Variants in C8orf34 observed in about 807,000 individuals in gnomAD.
C8orf34 encodes the protein chromosome 8 open reading frame 34.
In C8orf34, 65 loss-of-function variants were observed where a neutral mutation model predicts 68.3. The observed-to-expected ratio is 0.95, with a 90% confidence interval of 0.78 to 1.17. The LOEUF is 1.17. Among genes scored for constraint, C8orf34 ranks in the 50% most tolerant of loss-of-function variants. The probability of loss-of-function intolerance (pLI) is 0.00; values close to 1 mark genes in which losing one functional copy is unlikely to be tolerated. For synonymous variants in C8orf34, 244 were observed against 241.2 expected (o/e 1.01, Z -0.11); for missense variants, 664 against 655.4 (o/e 1.01, Z -0.14).
rs138017443 is a variant in C8orf34 at position 68,419,869 on chromosome 8, C to A, written c.328-19630C>A. Among the ~76,000 whole-genome samples, 690 of 148,386 alleles carry A rather than the reference C, an allele frequency of 4.7e-3. 25 individuals carry two copies. The East Asian group carries it at 0.086, about 19-fold the overall frequency. On this transcript the variant is annotated intron_variant, in intron 1 of 13. Transcript: ENST00000518698. The stretch of plus-strand genomic sequence containing the variant: ...GGGAGGGATGGCATTGGGAGATATA[C>A]CTAATGCGAGATGACGAGTTAGTGG...
intron 1 of C8orf34, among the ~76,000 whole-genome samples, chr8:68,397,695 G>T (rs1037719302): frequency 6.6e-6 from 1 of 151,992 alleles, no homozygotes; most frequent in Non-Finnish European, 1.5e-5. Flanking sequence ...ACATTTTTAC[G>T]TTTGAAACAA....
rs936044645 is a variant in C8orf34 at position 68,392,221 on chromosome 8, T to A, written c.328-47278T>A. 3.3e-5 allele frequency among the ~76,000 whole-genome samples: 5 copies of A among 152,094 alleles called. No homozygotes were observed. In the East Asian group the frequency reaches 7.7e-4, roughly 23 times the overall value. On this transcript the variant is annotated intron_variant, in intron 1 of 13. Coordinates refer to ENST00000518698, the MANE Select transcript of C8orf34 (RefSeq NM_052958.4). ...GGCCTTTAATAAATCTGGAGTTTAC[T>A]TTCCAATGGGTTTGAATTAAGAACC...
At chr8:68,710,604 C>G (rs1821304419) in intron 9 of C8orf34, among the ~76,000 whole-genome samples, 2 of 152,130 alleles carry the variant, frequency 1.3e-5, no homozygotes, top group Admixed American at 1.3e-4. Flanking sequence ...ACACCCCCAT[C>G]CACCACAGCA....
At chr8:68,494,121 T>G (rs1344057786) in intron 5 of C8orf34, among the ~76,000 whole-genome samples, 1 of 152,174 alleles carries the variant, frequency 6.6e-6, no homozygotes, top group Non-Finnish European at 1.5e-5. Flanking sequence ...CAACCCAATG[T>G]TCACTGACAG....
chr8:68,527,444 C>T (rs1312936136), intron 6 of C8orf34, among the ~76,000 whole-genome samples: 5 of 151,980 alleles, frequency 3.3e-5, no homozygotes, highest in East Asian at 1.9e-4. Context: ...TGGTGGTGGG[C>T]GCCTGTAGTC....
chr8:68,434,007 T>C lies in C8orf34; in HGVS notation c.328-5492T>C, dbSNP rs556131813. ...TGTTACTGGTTATTAGACTCTTAAA[T>C]TCCAGTAGCCCTTACATGTTGCATA... On this transcript the variant is annotated intron_variant, in intron 1 of 13. Transcript: ENST00000518698. Among the ~76,000 whole-genome samples, 379 of 152,340 alleles carry C rather than the reference T, an allele frequency of 2.5e-3. 2 individuals carry two copies. Among genetic ancestry groups the C allele is most frequent in the Non-Finnish European group, 3.7e-3 (252 of 68,024 alleles).
At chr8:68,738,362 T>G (rs761648438) in intron 10 of C8orf34, among the ~76,000 whole-genome samples, 9 of 151,998 alleles carry the variant, frequency 5.9e-5, no homozygotes, top group Non-Finnish European at 1.0e-4. Context: ...GATCTCAATT[T>G]AGCAATCTAA....
At chr8:68,387,684 A>G (rs540463333) in intron 1 of C8orf34, among the ~76,000 whole-genome samples, 3 of 152,238 alleles carry the variant, frequency 2.0e-5, no homozygotes, top group South Asian at 2.1e-4. Context: ...AAAAGAAAAA[A>G]ACCTCGTAGA....
chr8:68,799,889 A>C (rs1056402939), intron 12 of C8orf34, among the ~76,000 whole-genome samples: 1 of 152,166 alleles, frequency 6.6e-6, no homozygotes, highest in Non-Finnish European at 1.5e-5. Context: ...AGGGATGCAT[A>C]ATATTTTGAA....
chr8:68,584,927 C>A lies in C8orf34; in HGVS notation c.1105+51778C>A, dbSNP rs58765547. Among the ~76,000 whole-genome samples, 560 of 152,210 alleles carry A rather than the reference C, an allele frequency of 3.7e-3. 6 individuals carry two copies. Among genetic ancestry groups the A allele is most frequent in the African/African-American group, 0.013 (532 of 41,556 alleles). On this transcript the variant is annotated intron_variant, in intron 7 of 13. Transcript: ENST00000518698. ...AGCCTATTAACTGTTGAACCAATAT[C>A]ATGTGTTGTTTTACCATGGAAATGT...
chr8:68,537,320 T>G (rs1001142174), intron 7 of C8orf34, among the ~76,000 whole-genome samples: 1 of 151,840 alleles, frequency 6.6e-6, no homozygotes, highest in Non-Finnish European at 1.5e-5. Context: ...ACATAGAAAC[T>G]CTTTTTATCT....
At chr8:68,701,196 C>G (rs1821006135) in intron 8 of C8orf34, among the ~76,000 whole-genome samples, 1 of 152,002 alleles carries the variant, frequency 6.6e-6, no homozygotes, top group Admixed American at 6.6e-5. Flanking sequence ...ACTCTCCCCA[C>G]CACTTCAAAC....
At chr8:68,794,507 T>TATATATATATATATATATACATA (rs1585894787) in intron 12 of C8orf34, among the ~76,000 whole-genome samples, 1 of 69,280 alleles carries the variant, frequency 1.4e-5, no homozygotes, top group Non-Finnish European at 2.6e-5. Flanking sequence ...ATATATATAT[T>TATATATATATATATATATACATA]TTTTTTTTTT....
intron 1 of C8orf34, among the ~76,000 whole-genome samples, chr8:68,382,960 A>G (rs946897241): frequency 6.6e-6 from 1 of 152,188 alleles, no homozygotes; most frequent in South Asian, 2.1e-4. Flanking sequence ...GGTTCCTCAG[A>G]CAGGAGCTAG....
rs1586460867 is a variant in C8orf34, at chr8:68,618,323, A to G, written c.1106-22053A>G. Among the ~76,000 whole-genome samples, 5 of 152,258 alleles carry G rather than the reference A, an allele frequency of 3.3e-5. No individual in the cohort carries two copies. In the South Asian group the frequency reaches 8.3e-4, roughly 25 times the overall value. On this transcript the variant is annotated intron_variant, in intron 7 of 13. Transcript: ENST00000518698. ...CTCTTTCCCATTTCTTTATCTAAAT[A>G]TAGTTCTTTACTTTTGCCAAAGGTT...
At chr8:68,720,883 A>G (rs769100562) in intron 9 of C8orf34, among the ~76,000 whole-genome samples, 4 of 151,940 alleles carry the variant, frequency 2.6e-5, no homozygotes, top group Non-Finnish European at 5.9e-5. Context: ...TGGAAAACCA[A>G]TCACCATTTA....
At chr8:68,357,358 G>T (rs1806792625) in intron 1 of C8orf34, among the ~76,000 whole-genome samples, 1 of 152,042 alleles carries the variant, frequency 6.6e-6, no homozygotes, top group Non-Finnish European at 1.5e-5. Context: ...ACTTTCCATA[G>T]CTTCACAAAA....
chr8:68,745,875 C>T (rs927862012), intron 10 of C8orf34, among the ~76,000 whole-genome samples: 20 of 152,114 alleles, frequency 1.3e-4, no homozygotes, highest in Non-Finnish European at 2.4e-4. Context: ...CAGGTCTGCA[C>T]CAAGTGGACC....
chr8:68,618,577 G>A (rs752756906), intron 7 of C8orf34, among the ~76,000 whole-genome samples: 1 of 79,372 alleles, frequency 1.3e-5, no homozygotes, highest in Non-Finnish European at 2.3e-5. Context: ...TGAAACTCCT[G>A]GGCTCAAGTG....
Sources: allele counts gnomAD v4.1 joint callset (sites outside exome capture counted in the v4.1 genomes callset), GRCh38; gene constraint gnomAD v4.1.1; transcripts MANE v1.5; gene names NCBI Gene and HGNC (gene_info 2026-07-23, HGNC 2026-07-21).